RMND5B: variants seen among roughly 807,000 people sequenced by gnomAD.
RMND5B encodes E3 ubiquitin-protein transferase RMND5B.
RMND5B carries 42 observed loss-of-function variants against 50.4 expected under a neutral mutation model. The ratio of observed to expected loss-of-function variants is 0.83; its 90% CI spans 0.65 to 1.08. The LOEUF (loss-of-function observed/expected upper bound fraction) is 1.08. Ranked by LOEUF, RMND5B falls within the 50% of genes least tolerant of loss-of-function variation. RMND5B has a pLI of 0.00. For missense variants in RMND5B, 463 were observed against 508.5 expected, an observed-to-expected ratio of 0.91 and a Z score of 0.86; for synonymous variants, 220 against 210.0, an observed-to-expected ratio of 1.05 and a Z score of -0.41.
chr5:178,132,861 TTTTG>T (rs367971781), intron 2 of RMND5B, among the ~76,000 whole-genome samples: 50 of 130,404 alleles, frequency 3.8e-4, no homozygotes, highest in Admixed American at 5.9e-4. Context: ...TTTTTTTTGT[TTTTG>T]TTTGTTTGTT....
intron 8 of RMND5B, chr5:178,147,207 G>A (rs888889768): frequency 7.1e-5 from 24 of 338,916 alleles, no homozygotes; most frequent in African/African-American, 5.0e-4. Context: ...GGCAGGCTGG[G>A]GCCCTTTGGA....
Position 178,148,118 on chromosome 5 carries a change from T to C in RMND5B, c.*86T>C, listed in dbSNP as rs903783034. 23 of 1,381,776 alleles carry C rather than the reference T, an allele frequency of 1.7e-5. No homozygotes were observed. Among genetic ancestry groups the C allele is most frequent in the Admixed American group, 3.4e-5 (2 of 58,792 alleles). 85.6% of individuals were successfully genotyped at this position (1,381,776 alleles called of 1,614,324 possible). A position where few individuals can be genotyped will look rare whatever the true frequency, so the allele number is the denominator to read the frequency against. ...GGTAGGGTGGTCAACTTCAGTGGAC[T>C]GTGGTTGGTTTCAGAGCGCCTGGCT... On this transcript the variant is annotated 3_prime_UTR_variant, in exon 11 of 11. Transcript: ENST00000313386.
At chr5:178,144,720 G>GAAAAAAAAAAAAAAAAAAAAAA (rs111233356) in intron 7 of RMND5B, among the ~76,000 whole-genome samples, 20 of 111,702 alleles carry the variant, frequency 1.8e-4, no homozygotes, top group East Asian at 5.7e-4. Flanking sequence ...CTCCGTCTCA[G>GAAAAAAAAAAAAAAAAAAAAAA]AAAAAAAAAA....
chr5:178,142,674 G>C lies in RMND5B; in HGVS notation c.231G>C (p.Ser77=). ...AAGATACGGTGCAGAAACTGGCTTC[G>C]GACCATAAGGACATTCACAGCAGTG... ...KIKDTVQKLA[S]DHKDIHSSVS... Residue 77 remains serine (S), a synonymous_variant, in exon 4 of 11, where the codon TCG becomes TCC. Transcript: ENST00000313386. 6.2e-7 allele frequency: 1 copy of C among 1,614,218 alleles called. No individual in the cohort carries two copies. The highest frequency in any genetic ancestry group is 8.5e-7 in the Non-Finnish European group (1 of 1,180,042).
intron 2 of RMND5B, among the ~76,000 whole-genome samples, chr5:178,132,813 A>AG (rs1491309184): frequency 2.8e-5 from 4 of 145,360 alleles, no homozygotes; most frequent in Admixed American, 6.8e-5. Context: ...AAAAAAAAAA[A>AG]GCGTTAAGAA....
intron 5 of RMND5B, among the ~76,000 whole-genome samples, 175 bp from the exon 6 acceptor site, chr5:178,143,452 C>T (rs990986900): frequency 1.3e-5 from 2 of 152,174 alleles, no homozygotes; most frequent in East Asian, 3.8e-4. Flanking sequence ...CTCAGCCTCC[C>T]CAGGACTGAG....
Position 178,149,811 on chromosome 5 carries a change from G to A in RMND5B, c.*1779G>A, listed in dbSNP as rs752392516. ...TTGACCATTATCACACAGGTGGGGC[G>A]CTTGGAGCCTGCGGCTGCACCCAGG... On this transcript the variant is annotated 3_prime_UTR_variant, in exon 11 of 11. Coordinates refer to ENST00000313386, the MANE Select transcript of RMND5B (RefSeq NM_022762.5). 1.9e-6 allele frequency: 3 copies of A among 1,613,798 alleles called. No individual in the cohort carries two copies. The highest frequency in any genetic ancestry group is 1.1e-5 in the South Asian group (1 of 91,024).
rs374022084 is a variant in RMND5B at position 178,142,632 on chromosome 5, G to A, written c.189G>A (p.Gln63=). The change falls in exon 4 of 11, where the codon CAG becomes CAA. Residue 63 remains glutamine (Q), a synonymous_variant. Coordinates refer to ENST00000313386, the MANE Select transcript of RMND5B (RefSeq NM_022762.5). ...LSATLSLVMS[Q]CCRKIKDTVQ... ...CCACCCTCTCTCTGGTGATGTCACA[G>A]TGCTGCCGGAAGATCAAAGATACGG... is the stretch of plus-strand genomic sequence containing the variant. 8.7e-6 allele frequency: 14 copies of A among 1,614,068 alleles called. No individual in the cohort carries two copies. The African/African-American group carries it at 1.5e-4, about 17-fold the overall frequency.
Position 178,147,557 on chromosome 5 carries a change from G to A in RMND5B, c.885G>A (p.Leu295=). Residue 295 remains leucine (L), a synonymous_variant, in exon 9 of 11, where the codon CTG becomes CTA. Transcript: ENST00000313386. ...SVSFASGCVA[L]PVLMNIKAVI... is the part of the protein sequence containing the mutation. ...GCTTTGCCTCTGGCTGTGTGGCGCT[G>A]CCTGTGTTGATGAACATCAAGGCTG... 1 of 1,614,130 alleles carries A rather than the reference G, an allele frequency of 6.2e-7. No individual in the cohort carries two copies.
intron 7 of RMND5B, among the ~76,000 whole-genome samples, chr5:178,144,676 G>A (rs1755886206): frequency 6.7e-6 from 1 of 149,442 alleles, no homozygotes; most frequent in Admixed American, 6.7e-5. Flanking sequence ...GCTTGATCGC[G>A]CCACTGCACT....
chr5:178,133,159 A>T (rs1758427733), intron 2 of RMND5B, among the ~76,000 whole-genome samples: 1 of 151,856 alleles, frequency 6.6e-6, no homozygotes. Flanking sequence ...CACCACGCCC[A>T]GCCGATGTTG....
rs1442928525 is a variant in RMND5B at position 178,148,723 on chromosome 5, CG to C, written c.*695del. The C allele has an allele frequency of 6.5e-6, 1 of 152,970 alleles. No homozygotes were observed. Among genetic ancestry groups the C allele is most frequent in the African/African-American group, 2.4e-5 (1 of 41,444 alleles). The allele number at this position is 152,970 out of a possible 1,614,324, so 9.5% of individuals were successfully genotyped here. Reference sequence around the variant, plus strand: ...AGAACACAACTTGCATCCCTGACTGCGGGGAGCTTAGATGTCAGACCCCGGG... The same window carrying C: ...AGAACACAACTTGCATCCCTGACTGCGGGAGCTTAGATGTCAGACCCCGGG... On this transcript the variant is annotated 3_prime_UTR_variant, in exon 11 of 11. Coordinates refer to ENST00000313386, the MANE Select transcript of RMND5B (RefSeq NM_022762.5).
Position 178,149,720 on chromosome 5 carries a change from G to A in RMND5B, c.*1688G>A, listed in dbSNP as rs1417164552. ...AGGTGCTACCGGAGCCCCTCATAGG[G>A]GTAGGGGCAGGGACTGCACCTCCTC... On this transcript the variant is annotated 3_prime_UTR_variant, in exon 11 of 11. Coordinates refer to ENST00000313386, the MANE Select transcript of RMND5B (RefSeq NM_022762.5). 1.9e-6 allele frequency: 3 copies of A among 1,613,858 alleles called. No homozygotes were observed. Among genetic ancestry groups the A allele is most frequent in the South Asian group, 1.1e-5 (1 of 91,072 alleles).
chr5:178,138,964 C>T lies in RMND5B; in HGVS notation c.139+706C>T, dbSNP rs1758768500. On this transcript the variant is annotated intron_variant, in intron 3 of 10. Transcript: ENST00000313386. The surrounding 1 kb of genome is among the most constrained non-coding windows in gnomAD (Gnocchi z 5.1). ...GCCTGTAATCCCAGCACTTCGGGAG[C>T]CCGAGGCCGACAGATCACCTGAGAT... Among the ~76,000 whole-genome samples, 1 of 152,022 alleles carries T rather than the reference C, an allele frequency of 6.6e-6. No homozygotes were observed. Among genetic ancestry groups the T allele is most frequent in the Non-Finnish European group, 1.5e-5 (1 of 68,014 alleles).
intron 5 of RMND5B, among the ~76,000 whole-genome samples, chr5:178,143,238 A>T (rs1755786085): frequency 1.3e-5 from 2 of 152,188 alleles, no homozygotes; most frequent in Non-Finnish European, 2.9e-5. Context: ...TTGAAAAGGG[A>T]GCTGAGTGAA....
chr5:178,142,851 G>A lies in RMND5B; in HGVS notation c.286-1G>A. The A allele has an allele frequency of 6.2e-7, 1 of 1,614,242 alleles. No homozygotes were observed. The highest frequency in any genetic ancestry group is 8.5e-7 in the Non-Finnish European group (1 of 1,180,050). On this transcript the variant is annotated splice_acceptor_variant, in intron 4 of 10. Transcript: ENST00000313386. LOFTEE classifies it high-confidence loss of function. Reference sequence around the variant, plus strand: ...AGGCCCTGTCTCTCCTCCTTCGTCAGAACTTCGACTCTGAGATCTGTGGTG... The same window carrying A: ...AGGCCCTGTCTCTCCTCCTTCGTCAAAACTTCGACTCTGAGATCTGTGGTG...
rs1163616041 is a variant in RMND5B, at chr5:178,142,910, A to C, written c.344A>C (p.Gln115Pro). The C allele has an allele frequency of 6.2e-7, 1 of 1,614,032 alleles. No homozygotes were observed. The highest frequency in any genetic ancestry group is 1.3e-5 in the African/African-American group (1 of 74,954). ...VSDAVWDARE[Q>P]QQQILQMAIV... Reference sequence around the variant, plus strand: ...GATGCGGTGTGGGACGCGCGGGAACAGCAGCAGCAGATCCTGCAGATGGCC... The same window carrying C: ...GATGCGGTGTGGGACGCGCGGGAACCGCAGCAGCAGATCCTGCAGATGGCC... The change falls in exon 5 of 11, where the codon CAG (glutamine) becomes CCG (proline). Residue 115 changes from glutamine (Q) to proline (P), a missense_variant. Gln to Pro is a moderately conservative substitution (Grantham distance 76). Coordinates refer to ENST00000313386, the MANE Select transcript of RMND5B (RefSeq NM_022762.5).
At chr5:178,135,326 G>T in intron 2 of RMND5B, 1 of 196,728 alleles carries the variant, frequency 5.1e-6, no homozygotes, top group Non-Finnish European at 1.1e-5. Flanking sequence ...AATTTGCCGT[G>T]TTGCCCAAGC....
rs566022032 is a variant in RMND5B at position 178,137,671 on chromosome 5, C to T, written c.-12-437C>T. ...TGCCACTGCACTCTAGCCAGGGCAA[C>T]AGAACAAGAGCCTGTCTCAAAAAAA... On this transcript the variant is annotated intron_variant, in intron 2 of 10. Transcript: ENST00000313386. This position sits in a 1 kb window ranked among gnomAD's most constrained non-coding sequence, Gnocchi z 4.4. Among the ~76,000 whole-genome samples the T allele has an allele frequency of 1.3e-5, 2 of 152,066 alleles. No individual in the cohort carries two copies. The highest frequency in any genetic ancestry group is 2.9e-5 in the Non-Finnish European group (2 of 68,034).
Sources: allele counts gnomAD v4.1 joint callset (sites outside exome capture counted in the v4.1 genomes callset), GRCh38; gene constraint gnomAD v4.1.1; non-coding constraint Gnocchi (gnomAD v3.1); transcripts MANE v1.5; gene names NCBI Gene and HGNC (gene_info 2026-07-23, HGNC 2026-07-21).